Variants in MLLT10 observed in about 807,000 individuals in gnomAD.
The protein encoded by MLLT10 is protein AF-10.
MLLT10 carries 30 observed loss-of-function variants against 129.1 expected under a neutral mutation model. The observed-to-expected ratio is 0.23, with a 90% CI of 0.17 to 0.32. The LOEUF is 0.32. Ranked by LOEUF, MLLT10 falls within the 10% of genes least tolerant of loss-of-function variation. MLLT10 has a pLI of 1.00. For synonymous variants in MLLT10, 490 were observed against 446.4 expected, an observed-to-expected ratio of 1.10 and a Z score of -1.23; for missense variants, 1,119 against 1,268.3, an observed-to-expected ratio of 0.88 and a Z score of 1.79.
chr10:21,734,478 T>C (rs2058202827), intron 20 of MLLT10, among the ~76,000 whole-genome samples: 1 of 152,228 alleles, frequency 6.6e-6, no homozygotes, highest in African/African-American at 2.4e-5. Context: ...CTAAAATTTA[T>C]GTAATATTTT....
At chr10:21,596,936 C>G (rs774713440) in intron 5 of MLLT10, among the ~76,000 whole-genome samples, 2 of 151,302 alleles carry the variant, frequency 1.3e-5, no homozygotes, top group Non-Finnish European at 2.9e-5. Flanking sequence ...CAGAAGTTTA[C>G]ATTTTCGAGG....
chr10:21,626,366 G>A (rs1448913202), intron 8 of MLLT10: 7 of 656,152 alleles, frequency 1.1e-5, no homozygotes, highest in Admixed American at 2.6e-5. Context: ...TCTCGCACGC[G>A]TGCCACCCCC....
At chr10:21,614,225 CAAAA>C (rs34546142) in intron 6 of MLLT10, among the ~76,000 whole-genome samples, 3 of 81,034 alleles carry the variant, frequency 3.7e-5, no homozygotes, top group African/African-American at 1.3e-4. Flanking sequence ...TTTTTTTTTT[CAAAA>C]AAAAAAAAAA....
In MLLT10 at chr10:21,688,300, A is replaced by G. The variant is rs577616700; in HGVS notation, c.1699+6043A>G. The stretch of plus-strand genomic sequence containing the variant: ...TACTTTTAAATTAACTGGTAATGCC[A>G]TTACTACTCTCTTTATTTAGAGCAC... On this transcript the variant is annotated intron_variant, in intron 13 of 22. Coordinates refer to ENST00000307729, the MANE Select transcript of MLLT10 (RefSeq NM_001195626.3). Among the ~76,000 whole-genome samples the G allele has an allele frequency of 4.6e-5, 7 of 152,312 alleles. No individual in the cohort carries two copies. The South Asian group carries it at 8.3e-4, about 18-fold the overall frequency.
chr10:21,643,324 C>T (rs1232995084), intron 8 of MLLT10, among the ~76,000 whole-genome samples: 11 of 152,188 alleles, frequency 7.2e-5, no homozygotes, highest in Admixed American at 5.2e-4. Context: ...TGAGCCACCG[C>T]GCCCTGACAG....
chr10:21,556,979 G>A, intron 3 of MLLT10: 1 of 1,511,216 alleles, frequency 6.6e-7, no homozygotes, highest in Admixed American at 2.4e-5. Flanking sequence ...TTTCTGATGT[G>A]GTCTTTTATA....
rs866922048 is a variant in MLLT10 at position 21,648,712 on chromosome 10, G to T, written c.700-2961G>T. On this transcript the variant is annotated intron_variant, in intron 8 of 22. Transcript: ENST00000307729. ...TTGCCCATTTTCATACTGCTATGAA[G>T]AAATACACGAGACTGGGTAATTTTA... Among the ~76,000 whole-genome samples, 7 of 152,244 alleles carry T rather than the reference G, an allele frequency of 4.6e-5. No individual in the cohort carries two copies. In the Middle Eastern group the frequency reaches 0.014, roughly 296 times the overall value.
intron 5 of MLLT10, among the ~76,000 whole-genome samples, chr10:21,602,356 A>T (rs2043621833): frequency 6.6e-6 from 1 of 151,008 alleles, no homozygotes; most frequent in African/African-American, 2.4e-5. Context: ...AAATTTATTT[A>T]TTTTTTTTTG....
In MLLT10 at chr10:21,610,519, C is replaced by G. The variant is rs569551576; in HGVS notation, c.406-1829C>G. On this transcript the variant is annotated intron_variant, in intron 5 of 22. Transcript: ENST00000307729. ...CTTGGGTAAATTTTTTTCTGTATGTCGGTAGGACAATTCCAGAGACTACTT... is the reference window on the plus strand; with the variant it reads ...CTTGGGTAAATTTTTTTCTGTATGTGGGTAGGACAATTCCAGAGACTACTT... 2.5e-4 allele frequency among the ~76,000 whole-genome samples: 38 copies of G among 151,802 alleles called. No individual in the cohort carries two copies. In the South Asian group the frequency reaches 5.9e-3, roughly 23 times the overall value.
In MLLT10 at chr10:21,734,023, G is replaced by A; in HGVS notation, c.2752G>A (p.Gly918Arg). ...AINGIVGALN[G>R]VMQTPVTMSQ... is the part of the protein sequence containing the mutation. ...TAATGGCATTGTAGGAGCTTTAAAT[G>A]GGGTTATGCAGACTCCTGTCACAAT... Residue 918 changes from glycine (G) to arginine (R), a missense_variant, in exon 20 of 23, where the codon GGG becomes AGG. This residue lies in a region of MLLT10 where 1,004 missense variants were observed against 1,008.7 expected (regional missense o/e 1.00). Transcript: ENST00000307729. The A allele has an allele frequency of 6.2e-7, 1 of 1,614,184 alleles. No individual in the cohort carries two copies. Among genetic ancestry groups the A allele is most frequent in the Admixed American group, 1.7e-5 (1 of 60,022 alleles).
intron 3 of MLLT10, among the ~76,000 whole-genome samples, chr10:21,563,969 C>A (rs369860450): frequency 8.6e-5 from 13 of 152,024 alleles, no homozygotes; most frequent in African/African-American, 1.2e-4. Context: ...CCTGCCACCA[C>A]GACTGGCTAA....
intron 8 of MLLT10, among the ~76,000 whole-genome samples, chr10:21,640,863 AG>A (rs2047932522): frequency 6.6e-6 from 1 of 152,210 alleles, no homozygotes; most frequent in Non-Finnish European, 1.5e-5. Context: ...AGTCCAAAAG[AG>A]GTGTCCTTGA....
chr10:21,538,450 A>G (rs185269920), intron 2 of MLLT10, among the ~76,000 whole-genome samples: 25 of 152,150 alleles, frequency 1.6e-4, no homozygotes, highest in Admixed American at 1.4e-3. Context: ...GGTGTGAGCC[A>G]CTGCGCCTGG....
At chr10:21,533,943 C>T (rs548943688), upstream of MLLT10, among the ~76,000 whole-genome samples, 5 of 152,260 alleles carry the variant, frequency 3.3e-5, no homozygotes, top group Non-Finnish European at 7.4e-5. Flanking sequence ...CCCGCCACCT[C>T]CCAGGCCTCT....
intron 7 of MLLT10, 102 bp from the exon 8 acceptor site, chr10:21,617,010 T>G (rs2045331684): frequency 4.6e-6 from 2 of 431,260 alleles, no homozygotes; most frequent in Non-Finnish European, 7.7e-6. Flanking sequence ...TCAGTAGACA[T>G]TAAAAATACT....
intron 3 of MLLT10, among the ~76,000 whole-genome samples, chr10:21,552,504 G>C (rs986935568): frequency 6.7e-5 from 10 of 148,382 alleles, no homozygotes; most frequent in Non-Finnish European, 3.0e-5. Context: ...CGATTCTCCT[G>C]CCTCAGCCTC....
At chr10:21,633,080 G>A (rs2047149731) in intron 8 of MLLT10, among the ~76,000 whole-genome samples, 1 of 152,180 alleles carries the variant, frequency 6.6e-6, no homozygotes, top group Non-Finnish European at 1.5e-5. Context: ...TAGAAACCAT[G>A]TAAATTGCCC....
At chr10:21,545,764 T>C (rs1168370826) in intron 3 of MLLT10, among the ~76,000 whole-genome samples, 1 of 152,208 alleles carries the variant, frequency 6.6e-6, no homozygotes, top group Admixed American at 6.5e-5. Context: ...ACTCTGGGGC[T>C]CAAGGAATCC....
intron 13 of MLLT10, among the ~76,000 whole-genome samples, chr10:21,688,246 G>C (rs966458888): frequency 1.3e-5 from 2 of 152,200 alleles, no homozygotes; most frequent in Non-Finnish European, 2.9e-5. Context: ...GAGGGAAGCA[G>C]TACAAATGGG....
Sources: gnomAD v4.1 joint callset for allele counts (sites outside exome capture counted in the v4.1 genomes callset) on GRCh38, gnomAD v4.1.1 for gene constraint, gnomAD v4.1.1 regional missense constraint, MANE v1.5 for transcripts, NCBI Gene and HGNC (gene_info 2026-07-23, HGNC 2026-07-21) for gene names.